Variants in PCDHGA9 observed in about 807,000 individuals in gnomAD.
PCDHGA9 encodes the protein protocadherin gamma subfamily A, 9.
In PCDHGA9, 37 loss-of-function variants were observed where a neutral mutation model predicts 62.5. The ratio of observed to expected loss-of-function variants is 0.59; its 90% CI spans 0.46 to 0.78. The LOEUF (loss-of-function observed/expected upper bound fraction) is 0.78. PCDHGA9 is among the 30% of genes least tolerant of loss of function. The pLI, the probability that PCDHGA9 is intolerant of heterozygous loss-of-function variation, is 0.00. For synonymous variants in PCDHGA9, 459 were observed against 484.6 expected (o/e 0.95, Z 0.69); for missense variants, 1,138 against 1,166.2 (o/e 0.98, Z 0.35).
At chr5:141,453,042 A>G (rs2098754438) in intron 1 of PCDHGA9, among the ~76,000 whole-genome samples, 1 of 152,116 alleles carries the variant, frequency 6.6e-6, no homozygotes, top group Non-Finnish European at 1.5e-5. Context: ...GTTTGTTTCT[A>G]TTATGTGCAG....
At chr5:141,422,415 A>C (rs1330043187) in intron 1 of PCDHGA9, 1 of 1,604,786 alleles carries the variant, frequency 6.2e-7, no homozygotes, top group Admixed American at 1.7e-5. Flanking sequence ...TTAAATTAGA[A>C]AAGACTTATG....
At chr5:141,413,444 C>T (rs2095641519) in intron 1 of PCDHGA9, 2 of 1,613,998 alleles carry the variant, frequency 1.2e-6, no homozygotes, top group Non-Finnish European at 1.7e-6. Context: ...AGCTTGATCA[C>T]CGCGGGCAGG....
At chr5:141,425,640 C>G (rs2096886863) in intron 1 of PCDHGA9, among the ~76,000 whole-genome samples, 1 of 152,206 alleles carries the variant, frequency 6.6e-6, no homozygotes, top group Non-Finnish European at 1.5e-5. Flanking sequence ...TCTGATAAAA[C>G]TAGGAGGAAA....
chr5:141,452,533 A>G lies in PCDHGA9; in HGVS notation c.2425-42274A>G, dbSNP rs562306062. ...CACACTCCCTCAAAATCGTGAGTTC[A>G]TATTGATACCTCCAGTTCTGGTTCT... On this transcript the variant is annotated intron_variant, in intron 1 of 3. Transcript: ENST00000573521. Among the ~76,000 whole-genome samples the G allele has an allele frequency of 2.0e-5, 3 of 152,328 alleles. No individual in the cohort carries two copies. The East Asian group carries it at 5.8e-4, about 29-fold the overall frequency.
At chr5:141,416,641 C>A (rs996381588) in intron 1 of PCDHGA9, 1 of 152,056 alleles carries the variant, frequency 6.6e-6, no homozygotes, top group Non-Finnish European at 1.5e-5. Context: ...AAACACCAAC[C>A]ACAGCTGTAA....
chr5:141,406,732 G>A (rs1190275382), intron 1 of PCDHGA9, among the ~76,000 whole-genome samples: 1 of 152,142 alleles, frequency 6.6e-6, no homozygotes, highest in Non-Finnish European at 1.5e-5. Context: ...TCTAAGACTG[G>A]ACACTGTGAA....
intron 1 of PCDHGA9, among the ~76,000 whole-genome samples, chr5:141,407,567 A>T (rs554405122): frequency 7.0e-4 from 107 of 152,170 alleles, no homozygotes; most frequent in African/African-American, 2.5e-3. Context: ...AAGCTGAAAG[A>T]TAAAATTCTT....
rs996556361 is a variant in PCDHGA9, at chr5:141,511,290, A to G, written c.*117A>G. 1.3e-6 allele frequency: 2 copies of G among 1,516,984 alleles called. No homozygotes were observed. The highest frequency in any genetic ancestry group is 1.8e-6 in the Non-Finnish European group (2 of 1,129,124). The allele number at this position is 1,516,984 out of a possible 1,614,324, so 94.0% of individuals were successfully genotyped here. ...AACCCCCAGAATACTGGTAGGGGCC[A>G]AGGCCATGCTCCCCTTGGGAAACAG... is the stretch of plus-strand genomic sequence containing the variant. On this transcript the variant is annotated 3_prime_UTR_variant, in exon 4 of 4. Coordinates refer to ENST00000573521, the MANE Select transcript of PCDHGA9 (RefSeq NM_018921.3).
chr5:141,410,664 A>G, intron 1 of PCDHGA9: 1 of 1,570,058 alleles, frequency 6.4e-7, no homozygotes, highest in Non-Finnish European at 8.6e-7. Context: ...ATAGTCTACT[A>G]GTTTCTCATA....
intron 1 of PCDHGA9, among the ~76,000 whole-genome samples, chr5:141,488,563 C>T (rs1352750895): frequency 1.3e-5 from 2 of 152,134 alleles, no homozygotes; most frequent in Admixed American, 6.6e-5. Flanking sequence ...TTGAGATTTC[C>T]GCAAAGCATT....
intron 1 of PCDHGA9, chr5:141,419,158 C>G (rs757849297): frequency 6.2e-7 from 1 of 1,613,950 alleles, no homozygotes; most frequent in South Asian, 1.1e-5. Context: ...CTCCGTTATC[C>G]TCCAGCAAAA....
Position 141,485,618 on chromosome 5 carries a change from G to A in PCDHGA9, c.2425-9189G>A, listed in dbSNP as rs2099616729. 2.5e-6 allele frequency: 4 copies of A among 1,612,092 alleles called. No individual in the cohort carries two copies. Among genetic ancestry groups the A allele is most frequent in the Non-Finnish European group, 3.4e-6 (4 of 1,178,672 alleles). On this transcript the variant is annotated intron_variant, in intron 1 of 3. Coordinates refer to ENST00000573521, the MANE Select transcript of PCDHGA9 (RefSeq NM_018921.3). This position sits in a 1 kb window ranked among gnomAD's most constrained non-coding sequence, Gnocchi z 5.7. The stretch of plus-strand genomic sequence containing the variant: ...GGAAATTGGGGAGGCAGCTCCTCCA[G>A]GACAGCGTTTCCCGTTGGAAAAGGC...
intron 1 of PCDHGA9, among the ~76,000 whole-genome samples, chr5:141,439,076 C>G (rs1358035789): frequency 6.6e-6 from 1 of 151,590 alleles, no homozygotes; most frequent in East Asian, 2.0e-4. Context: ...GCCTGTAATC[C>G]CAGCTACTCA....
At chr5:141,506,191 C>T (rs932500250) in intron 3 of PCDHGA9, among the ~76,000 whole-genome samples, 8 of 152,182 alleles carry the variant, frequency 5.3e-5, no homozygotes, top group African/African-American at 1.9e-4. Flanking sequence ...TGGCTCACGC[C>T]TGTAATCCCA....
intron 1 of PCDHGA9, among the ~76,000 whole-genome samples, chr5:141,434,491 C>CCCAGGGCAGAAAACTGCTTAA (rs1300377022): frequency 1.8e-4 from 27 of 152,302 alleles, no homozygotes; most frequent in Non-Finnish European, 3.4e-4. Context: ...ACCTGGCCCG[C>CCCAGGGCAGAAAACTGCTTAA]CCAGGGCAGA....
In PCDHGA9 at chr5:141,512,839, C is replaced by T. The variant is rs141207714; in HGVS notation, c.*1666C>T. ...GACCCCCTCCCCCGTACTGACTTCTCCTATAAGCGCTTCTCTTCGCATAGT... is the reference window on the plus strand; with the variant it reads ...GACCCCCTCCCCCGTACTGACTTCTTCTATAAGCGCTTCTCTTCGCATAGT... On this transcript the variant is annotated 3_prime_UTR_variant, in exon 4 of 4. Transcript: ENST00000573521. 278 of 152,216 alleles carry T rather than the reference C, an allele frequency of 1.8e-3. 2 individuals are homozygous for T. Among genetic ancestry groups the T allele is most frequent in the Middle Eastern group, 0.01 (3 of 292 alleles). 9.4% of individuals were successfully genotyped at this position (152,216 alleles called of 1,614,324 possible). A position where few individuals can be genotyped will look rare whatever the true frequency, so the allele number is the denominator to read the frequency against.
intron 1 of PCDHGA9, chr5:141,409,130 G>C (rs1265386524): frequency 2.5e-6 from 4 of 1,613,994 alleles, no homozygotes; most frequent in Non-Finnish European, 3.4e-6. Flanking sequence ...ATTTGATTTT[G>C]AAGATGTAGA....
Position 141,486,146 on chromosome 5 carries a change from G to A in PCDHGA9, c.2425-8661G>A, listed in dbSNP as rs533158692. The A allele has an allele frequency of 3.1e-6, 5 of 1,614,184 alleles. No homozygotes were observed. The highest frequency in any genetic ancestry group is 2.2e-5 in the East Asian group (1 of 44,876). The stretch of plus-strand genomic sequence containing the variant: ...TGAATTTGATGTGCGGGCTCGCGAT[G>A]GGGGTTCTCCAGCCATGGAGCAACA... On this transcript the variant is annotated intron_variant, in intron 1 of 3. Transcript: ENST00000573521. The surrounding 1 kb of genome is among the most constrained non-coding windows in gnomAD (Gnocchi z 5.0).
At position 141,431,031 on chromosome 5, in the gene PCDHGA9, A is replaced by C; in HGVS notation, c.2424+25655A>C. Reference sequence around the variant, plus strand: ...AGCTTGGTCACGGCGGGCAGGATAGACCGGGAGGAGCTCTGTATGGGGGCC... The same window carrying C: ...AGCTTGGTCACGGCGGGCAGGATAGCCCGGGAGGAGCTCTGTATGGGGGCC... On this transcript the variant is annotated intron_variant, in intron 1 of 3. Coordinates refer to ENST00000573521, the MANE Select transcript of PCDHGA9 (RefSeq NM_018921.3). This position sits in a 1 kb window ranked among gnomAD's most constrained non-coding sequence, Gnocchi z 4.8. 1 of 1,614,036 alleles carries C rather than the reference A, an allele frequency of 6.2e-7. No homozygotes were observed. The highest frequency in any genetic ancestry group is 8.5e-7 in the Non-Finnish European group (1 of 1,180,000).
Sources: gnomAD v4.1 joint callset for allele counts (sites outside exome capture counted in the v4.1 genomes callset) on GRCh38, gnomAD v4.1.1 for gene constraint, Gnocchi (gnomAD v3.1) non-coding constraint, MANE v1.5 for transcripts, NCBI Gene and HGNC (gene_info 2026-07-23, HGNC 2026-07-21) for gene names.